Variants in TNFRSF1B observed in about 807,000 individuals in gnomAD.
TNFRSF1B encodes TNF receptor superfamily member 1B.
Under a neutral mutation model 44.6 loss-of-function variants are expected in TNFRSF1B, and 19 were observed. That is an observed-to-expected ratio of 0.43 (90% CI 0.30 to 0.62). The LOEUF is 0.62. Among genes scored for constraint, TNFRSF1B ranks in the 20% least tolerant of loss-of-function variants. The probability of loss-of-function intolerance (pLI) is 0.16; values close to 1 mark genes in which losing one functional copy is unlikely to be tolerated. For synonymous variants in TNFRSF1B, 252 were observed against 261.1 expected (o/e 0.97, Z 0.34); for missense variants, 541 against 619.9 (o/e 0.87, Z 1.35).
At chr1:12,179,990 A>T (rs1394504394) in intron 1 of TNFRSF1B, among the ~76,000 whole-genome samples, 5 of 151,840 alleles carry the variant, frequency 3.3e-5, no homozygotes, top group Admixed American at 1.3e-4. Context: ...CTAAAGCCTG[A>T]AGCTTCTCCC....
intron 7 of TNFRSF1B, 78 bp from the exon 8 acceptor site, chr1:12,194,506 G>T: frequency 6.4e-7 from 1 of 1,570,396 alleles, no homozygotes; most frequent in South Asian, 1.1e-5. Flanking sequence ...GTTCTATGGG[G>T]CCCCATACTG....
At chr1:12,191,731 G>A in intron 3 of TNFRSF1B, 43 bp from the exon 4 acceptor site, 1 of 1,610,066 alleles carries the variant, frequency 6.2e-7, no homozygotes, top group Non-Finnish European at 8.5e-7. Flanking sequence ...CGTGGGTGTG[G>A]CGGAGGCAGG....
At chr1:12,190,458 C>CACAAA (rs1639087647) in intron 2 of TNFRSF1B, among the ~76,000 whole-genome samples, 1 of 61,518 alleles carries the variant, frequency 1.6e-5, no homozygotes, top group Non-Finnish European at 2.9e-5. Flanking sequence ...GATTCTGTCT[C>CACAAA]AAAAAAAAAA....
chr1:12,187,605 C>T lies in TNFRSF1B; in HGVS notation c.79-1191C>T, dbSNP rs1207591802. 6.6e-6 allele frequency among the ~76,000 whole-genome samples: 1 copy of T among 152,226 alleles called. No homozygotes were observed. On this transcript the variant is annotated intron_variant, in intron 1 of 9. Coordinates refer to ENST00000376259, the MANE Select transcript of TNFRSF1B (RefSeq NM_001066.3). This position sits in a 1 kb window ranked among gnomAD's most constrained non-coding sequence, Gnocchi z 5.5. Reference sequence around the variant, plus strand: ...TGGGACCTTGGGCAGGTGACCTGCCCTCTCAGGCCTCGGTTTCCTGTTCTA... The same window carrying T: ...TGGGACCTTGGGCAGGTGACCTGCCTTCTCAGGCCTCGGTTTCCTGTTCTA...
chr1:12,175,381 A>G (rs2101081182), intron 1 of TNFRSF1B, among the ~76,000 whole-genome samples: 1 of 152,298 alleles, frequency 6.6e-6, no homozygotes, highest in Middle Eastern at 3.4e-3. Flanking sequence ...TGGAGTGCAG[A>G]TTGCACTGCC....
chr1:12,192,768 T>C (rs1639175251), intron 5 of TNFRSF1B, 95 bp from the exon 6 acceptor site: 2 of 1,118,888 alleles, frequency 1.8e-6, no homozygotes, highest in Non-Finnish European at 2.6e-6. Flanking sequence ...ACATCGTCAC[T>C]CTCCTATCCT....
rs1180231743 is a variant in TNFRSF1B, at chr1:12,206,842, C to T, written c.1208C>T (p.Ser403Phe). The change falls in exon 10 of 10, where the codon TCC (serine) becomes TTC (phenylalanine). Residue 403 changes from serine (S) to phenylalanine (F), a missense_variant. Physicochemically the swap from Ser to Phe is radical, Grantham distance 155. Coordinates refer to ENST00000376259, the MANE Select transcript of TNFRSF1B (RefSeq NM_001066.3). ...TCACAGTGCTCCTCCCAAGCCAGCT[C>T]CACAATGGGAGACACAGATTCCAGC... ...HSSQCSSQAS[S>F]TMGDTDSSPS... 6.2e-7 allele frequency: 1 copy of T among 1,614,120 alleles called. No individual in the cohort carries two copies. The highest frequency in any genetic ancestry group is 8.5e-7 in the Non-Finnish European group (1 of 1,180,048).
chr1:12,167,280 G>A, intron 1 of TNFRSF1B, 111 bp downstream of exon 1: 1 of 815,326 alleles, frequency 1.2e-6, no homozygotes, highest in Non-Finnish European at 1.6e-6. Flanking sequence ...TCACGGGCTG[G>A]GAGGCTGGGA....
chr1:12,197,791 G>A (rs944906088), intron 8 of TNFRSF1B, among the ~76,000 whole-genome samples: 2 of 152,144 alleles, frequency 1.3e-5, no homozygotes, highest in Non-Finnish European at 1.5e-5. Flanking sequence ...CAGAAAGAAC[G>A]TCCAGGGCAT....
At position 12,178,495 on chromosome 1, in the gene TNFRSF1B, T is replaced by A. The variant is rs1382971936; in HGVS notation, c.79-10301T>A. Among the ~76,000 whole-genome samples the A allele has an allele frequency of 6.6e-6, 1 of 152,170 alleles. No homozygotes were observed. On this transcript the variant is annotated intron_variant, in intron 1 of 9. Transcript: ENST00000376259. The surrounding 1 kb of genome is among the most constrained non-coding windows in gnomAD (Gnocchi z 4.3). ...GTGTCTGTGTCTGGCTCAGCGCCCA[T>A]ACAAGGGTGTCAAGGTTGCGGGGAG...
chr1:12,205,594 GCAGGGTGACCCTTGCAGAAGT>G (rs1215227575), intron 9 of TNFRSF1B, among the ~76,000 whole-genome samples: 4 of 152,114 alleles, frequency 2.6e-5, no homozygotes, highest in Non-Finnish European at 5.9e-5. Context: ...CAGCAGCAGG[GCAGGGTGACCCTTGCAGAAGT>G]CATCTTTTGT....
rs550132 is a variant in TNFRSF1B, at chr1:12,180,993, T to C, written c.79-7803T>C. Among the ~76,000 whole-genome samples the C allele has an allele frequency of 0.064, 9,725 of 152,226 alleles. 525 individuals carry two copies. The highest frequency in any genetic ancestry group is 0.15 in the African/African-American group (6,184 of 41,532). ...TCAAGGAGGACCACATCTGGCCTGT[T>C]GCACTCTTCTCCTTTGCCCCACCGA... On this transcript the variant is annotated intron_variant, in intron 1 of 9. Coordinates refer to ENST00000376259, the MANE Select transcript of TNFRSF1B (RefSeq NM_001066.3). The surrounding 1 kb of genome is among the most constrained non-coding windows in gnomAD (Gnocchi z 4.3).
chr1:12,191,307 C>A (rs1229133555), intron 3 of TNFRSF1B, among the ~76,000 whole-genome samples: 2 of 152,234 alleles, frequency 1.3e-5, no homozygotes, highest in African/African-American at 4.8e-5. Flanking sequence ...ACTGTGCCCA[C>A]GTGAGGGTTG....
chr1:12,170,327 C>G (rs897671884), intron 1 of TNFRSF1B, among the ~76,000 whole-genome samples: 2 of 152,224 alleles, frequency 1.3e-5, no homozygotes, highest in South Asian at 4.1e-4. Context: ...GACCTGGGCT[C>G]TGTCCCAACT....
chr1:12,191,636 GTGT>G, intron 3 of TNFRSF1B, 135 bp from the exon 4 acceptor site: 1 of 1,018,688 alleles, frequency 9.8e-7, no homozygotes, highest in Non-Finnish European at 1.5e-6. Flanking sequence ...ACTCTGGCCG[GTGT>G]TGTGTGTGCC....
chr1:12,193,164 C>A, intron 6 of TNFRSF1B, 66 bp downstream of exon 6: 1 of 1,427,058 alleles, frequency 7.0e-7, no homozygotes, highest in Non-Finnish European at 9.7e-7. Flanking sequence ...TCTCTTTCTT[C>A]CTCTCCCATG....
chr1:12,201,449 C>CT (rs1293908331), intron 8 of TNFRSF1B, among the ~76,000 whole-genome samples: 2 of 148,948 alleles, frequency 1.3e-5, no homozygotes, highest in African/African-American at 5.0e-5. Context: ...ATGAGGTAGG[C>CT]TATTATTCTC....
chr1:12,186,103 C>T lies in TNFRSF1B; in HGVS notation c.79-2693C>T, dbSNP rs1283005191. Among the ~76,000 whole-genome samples the T allele has an allele frequency of 1.3e-5, 2 of 152,182 alleles. No individual in the cohort carries two copies. Among genetic ancestry groups the T allele is most frequent in the East Asian group, 3.9e-4 (2 of 5,194 alleles). Reference sequence around the variant, plus strand: ...AAAGGCCTGGGGGTCAGAAGAGTGGCAGATTGCTCCATGGCAGGAAGCCCC... The same window carrying T: ...AAAGGCCTGGGGGTCAGAAGAGTGGTAGATTGCTCCATGGCAGGAAGCCCC... On this transcript the variant is annotated intron_variant, in intron 1 of 9. Coordinates refer to ENST00000376259, the MANE Select transcript of TNFRSF1B (RefSeq NM_001066.3). The surrounding 1 kb of genome is among the most constrained non-coding windows in gnomAD (Gnocchi z 4.8).
intron 1 of TNFRSF1B, among the ~76,000 whole-genome samples, chr1:12,167,765 G>C (rs907510884): frequency 6.6e-6 from 1 of 152,190 alleles, no homozygotes; most frequent in Non-Finnish European, 1.5e-5. Context: ...CCTCCGATGC[G>C]TCCGGGGGCT....
Sources: gnomAD v4.1 joint callset for allele counts (sites outside exome capture counted in the v4.1 genomes callset) on GRCh38, gnomAD v4.1.1 for gene constraint, Gnocchi (gnomAD v3.1) non-coding constraint, MANE v1.5 for transcripts, NCBI Gene and HGNC (gene_info 2026-07-23, HGNC 2026-07-21) for gene names.